The following UBE4A variants were observed in gnomAD, a reference collection of about 807,000 sequenced individuals.
UBE4A encodes the protein ubiquitin conjugation factor E4 A.
UBE4A carries 48 observed loss-of-function variants against 117.9 expected under a neutral mutation model. The observed-to-expected ratio is 0.41, with a 90% CI of 0.32 to 0.52. The LOEUF (loss-of-function observed/expected upper bound fraction) is 0.52, where lower values mean the gene tolerates loss of function less well. Among genes scored for constraint, UBE4A ranks in the 20% least tolerant of loss-of-function variants. The pLI, the probability that UBE4A is intolerant of heterozygous loss-of-function variation, is 0.33. For missense variants in UBE4A, 1,067 were observed against 1,296.3 expected, an observed-to-expected ratio of 0.82 and a Z score of 2.72; for synonymous variants, 407 against 450.0, an observed-to-expected ratio of 0.90 and a Z score of 1.21.
intron 10 of UBE4A, chr11:118,378,768 C>G (rs1948675217): frequency 6.6e-6 from 1 of 152,144 alleles, no homozygotes; most frequent in African/African-American, 2.4e-5. Context: ...ATCTAGTTTC[C>G]CAATATTAGC....
chr11:118,373,391 G>A (rs1359151363), intron 7 of UBE4A, 103 bp downstream of exon 7: 23 of 1,523,968 alleles, frequency 1.5e-5, no homozygotes, highest in Non-Finnish European at 2.0e-5. Context: ...ATAAGAAAAA[G>A]ATAGCTTGGT....
chr11:118,371,492 T>C (rs199906784), intron 4 of UBE4A, 22 bp from the exon 5 acceptor site: 11 of 1,593,204 alleles, frequency 6.9e-6, no homozygotes, highest in Non-Finnish European at 8.6e-6. Flanking sequence ...AGTTTAGTAT[T>C]TTTGTTTGGT....
At chr11:118,360,301 A>G (rs1023886277) in intron 1 of UBE4A, among the ~76,000 whole-genome samples, 1 of 152,116 alleles carries the variant, frequency 6.6e-6, no homozygotes, top group African/African-American at 2.4e-5. Flanking sequence ...GACAGCAAGC[A>G]TGTGTTTAGT....
intron 5 of UBE4A, 126 bp downstream of exon 5, chr11:118,371,792 AG>A: frequency 9.9e-7 from 1 of 1,014,716 alleles, no homozygotes; most frequent in Non-Finnish European, 1.4e-6. Flanking sequence ...AGTGAATATC[AG>A]GGACACTAAA....
rs577572485 is a variant in UBE4A at position 118,396,053 on chromosome 11, T to A, written c.3075-261T>A. On this transcript the variant is annotated intron_variant, in intron 19 of 19. Transcript: ENST00000252108. ...TAACGCCACTGCACTCCATCCTGGGTGCCACTGCACCAGCCTGGGCGACAG... is the reference window on the plus strand; with the variant it reads ...TAACGCCACTGCACTCCATCCTGGGAGCCACTGCACCAGCCTGGGCGACAG... Among the ~76,000 whole-genome samples the A allele has an allele frequency of 1.9e-4, 28 of 146,428 alleles. 1 individual carries two copies. In the Admixed American group the frequency reaches 2.0e-3, roughly 10 times the overall value.
intron 18 of UBE4A, among the ~76,000 whole-genome samples, chr11:118,391,350 G>A (rs1948814451): frequency 1.3e-5 from 2 of 152,042 alleles, no homozygotes; most frequent in Non-Finnish European, 2.9e-5. Flanking sequence ...TTAGCTGGGT[G>A]TGGTGGCAGG....
intron 1 of UBE4A, among the ~76,000 whole-genome samples, chr11:118,361,187 T>G (rs527930083): frequency 1.3e-5 from 2 of 151,942 alleles, no homozygotes; most frequent in African/African-American, 4.8e-5. Context: ...GGTATGCGCC[T>G]GTAATCGCTT....
intron 11 of UBE4A, among the ~76,000 whole-genome samples, chr11:118,380,914 A>G (rs1948699989): frequency 6.6e-6 from 1 of 152,206 alleles, no homozygotes; most frequent in South Asian, 2.1e-4. Context: ...TAATCTTGGA[A>G]ATGACATACT....
intron 10 of UBE4A, among the ~76,000 whole-genome samples, chr11:118,377,401 G>A (rs1307355728): frequency 6.6e-6 from 1 of 151,760 alleles, no homozygotes; most frequent in African/African-American, 2.4e-5. Context: ...TAGAGATGGG[G>A]TTTCGCTGTG....
intron 1 of UBE4A, among the ~76,000 whole-genome samples, chr11:118,361,202 T>C (rs1948518669): frequency 6.6e-6 from 1 of 152,004 alleles, no homozygotes; most frequent in South Asian, 2.1e-4. Flanking sequence ...TCGCTTTTAG[T>C]GGAGACGGGG....
Position 118,386,462 on chromosome 11 carries a change from C to G in UBE4A, c.2437C>G (p.Gln813Glu), listed in dbSNP as rs1948759562. The G allele has an allele frequency of 1.2e-6, 2 of 1,605,440 alleles. No individual in the cohort carries two copies. Among genetic ancestry groups the G allele is most frequent in the African/African-American group, 1.3e-5 (1 of 74,184 alleles). The change falls in exon 16 of 20, where the codon CAA becomes GAA. Residue 813 changes from glutamine to glutamate, a missense_variant. By Grantham distance (29) the Gln-to-Glu change is conservative (BLOSUM62 2). Transcript: ENST00000252108. ...IQYLSKIKIQ[Q>E]IEKDRGEWDS... is the part of the protein sequence containing the mutation. ...GTATTTGAGCAAGATAAAGATTCAG[C>G]AAATTGAGAAGGATCGAGGTGAATG... is the stretch of plus-strand genomic sequence containing the variant.
Position 118,376,700 on chromosome 11 carries a change from T to C in UBE4A, c.1571+6T>C. ...TTGTACTTGGGATTTCACAGGTAACTCCTCTGATGTCATTAGGAAAAAACA... is the reference window on the plus strand; with the variant it reads ...TTGTACTTGGGATTTCACAGGTAACCCCTCTGATGTCATTAGGAAAAAACA... On this transcript the variant is annotated splice_donor_region_variant and intron_variant, in intron 10 of 19. Coordinates refer to ENST00000252108, the MANE Select transcript of UBE4A (RefSeq NM_001204077.2). The C allele has an allele frequency of 6.2e-7, 1 of 1,611,114 alleles. No individual in the cohort carries two copies.
chr11:118,382,930 T>C (rs868968230), intron 13 of UBE4A, among the ~76,000 whole-genome samples, 154 bp downstream of exon 13: 1 of 152,144 alleles, frequency 6.6e-6, no homozygotes, highest in East Asian at 1.9e-4. Flanking sequence ...TTTTTTTTTT[T>C]TTTTAACATT....
chr11:118,372,964 A>G, intron 6 of UBE4A, 122 bp from the exon 7 acceptor site: 1 of 1,022,214 alleles, frequency 9.8e-7, no homozygotes, highest in East Asian at 2.6e-5. Context: ...AGGCTGAGCA[A>G]AAAAACAAGA....
Position 118,368,793 on chromosome 11 carries a change from C to A in UBE4A, c.284C>A (p.Thr95Asn), listed in dbSNP as rs1348906227. The change falls in exon 3 of 20, where the codon ACT becomes AAT. Residue 95 changes from threonine to asparagine, a missense_variant. By Grantham distance (65) the Thr-to-Asn change is moderately conservative (BLOSUM62 0). Coordinates refer to ENST00000252108, the MANE Select transcript of UBE4A (RefSeq NM_001204077.2). ...ATGATCCAAAGGATCTTCCTTATTA[C>A]TCTGGACAACAGTGAGTTACAAACT... is the stretch of plus-strand genomic sequence containing the variant. ...NHMIQRIFLI[T>N]LDNSDPSLKS... is the part of the protein sequence containing the mutation. 1 of 1,614,032 alleles carries A rather than the reference C, an allele frequency of 6.2e-7. No homozygotes were observed. Among genetic ancestry groups the A allele is most frequent in the Admixed American group, 1.7e-5 (1 of 59,996 alleles).
At chr11:118,365,982 C>T (rs1438077040) in intron 2 of UBE4A, among the ~76,000 whole-genome samples, 7 of 152,048 alleles carry the variant, frequency 4.6e-5, no homozygotes, top group African/African-American at 1.7e-4. Context: ...CTCCCCTTCT[C>T]CTCTCTCCGA....
chr11:118,392,641 TTTTTTA>T, intron 18 of UBE4A, 91 bp from the exon 19 acceptor site: 2 of 1,260,578 alleles, frequency 1.6e-6, no homozygotes, highest in Non-Finnish European at 2.2e-6. Flanking sequence ...AATGACCTGT[TTTTTTA>T]TTTTTGAGAT....
chr11:118,379,169 C>G (rs550863199), intron 10 of UBE4A, among the ~76,000 whole-genome samples: 4 of 152,308 alleles, frequency 2.6e-5, no homozygotes, highest in Non-Finnish European at 5.9e-5. Flanking sequence ...CCATTCTACA[C>G]CCTACTCAAC....
intron 12 of UBE4A, among the ~76,000 whole-genome samples, 179 bp downstream of exon 12, chr11:118,381,702 A>G (rs2134100865): frequency 6.6e-6 from 1 of 152,348 alleles, no homozygotes; most frequent in East Asian, 1.9e-4. Flanking sequence ...TGAGAGGTAT[A>G]ATAAACAAAG....
Sources: gnomAD v4.1 joint callset for allele counts (sites outside exome capture counted in the v4.1 genomes callset) on GRCh38, gnomAD v4.1.1 for gene constraint, MANE v1.5 for transcripts, NCBI Gene and HGNC (gene_info 2026-07-23, HGNC 2026-07-21) for gene names.